ATG12: variants seen among roughly 807,000 people sequenced by gnomAD.
ATG12 encodes autophagy related 12, also known as ubiquitin-like protein ATG12.
ATG12 carries 19 observed loss-of-function variants against 17.6 expected under a neutral mutation model. The observed-to-expected ratio is 1.08, with a 90% CI of 0.75 to 1.58. The LOEUF (loss-of-function observed/expected upper bound fraction) is 1.58, where lower values mean the gene tolerates loss of function less well. ATG12 is among the 40% of genes most tolerant of loss of function. ATG12 has a pLI of 0.00. For synonymous variants in ATG12, 75 were observed against 62.4 expected (o/e 1.20, Z -0.95); for missense variants, 214 against 162.0 (o/e 1.32, Z -1.74).
intron 2 of ATG12, chr5:115,834,402 C>T (rs1407778172): frequency 6.6e-6 from 1 of 152,126 alleles, no homozygotes; most frequent in African/African-American, 2.4e-5. Flanking sequence ...CGCTAAGTGG[C>T]GTATAATTTG....
chr5:115,831,808 C>A lies in ATG12; in HGVS notation c.419G>T (p.Gly140Val), dbSNP rs921608688. The A allele has an allele frequency of 6.2e-7, 1 of 1,612,148 alleles. No homozygotes were observed. The highest frequency in any genetic ancestry group is 2.2e-5 in the East Asian group (1 of 44,836). Reference sequence around the variant, plus strand: ...CAAGTTGATTTTCTTTGTGGTTCATCCCCACGCCTGAGACTTGCAGTAATG... The same window carrying A: ...CAAGTTGATTTTCTTTGTGGTTCATACCCACGCCTGAGACTTGCAGTAATG... ...VLHYCKSQAWG is the reference protein window; with the variant it reads ...VLHYCKSQAWV The change falls in exon 4 of 4, where the codon GGA (glycine) becomes GTA (valine). Residue 140 changes from glycine to valine, a missense_variant. Physicochemically the swap from Gly to Val is moderately radical, Grantham distance 109. Coordinates refer to ENST00000509910, the MANE Select transcript of ATG12 (RefSeq NM_004707.4).
rs570583803 is a variant in ATG12 at position 115,841,479 on chromosome 5, A to C, written c.74T>G (p.Val25Gly). The change falls in exon 1 of 4, where the codon GTC (valine) becomes GGC (glycine). Residue 25 changes from valine to glycine, a missense_variant. Coordinates refer to ENST00000509910, the MANE Select transcript of ATG12 (RefSeq NM_004707.4). ...IAAGGEGLTDVSPETTTPEPP... is the reference protein window; with the variant it reads ...IAAGGEGLTDGSPETTTPEPP... ...CTCCGGGGTGGTTGTTTCTGGGGAGACATCCGTAAGTCCTTCCCCTCCAGC... is the reference window on the plus strand; with the variant it reads ...CTCCGGGGTGGTTGTTTCTGGGGAGCCATCCGTAAGTCCTTCCCCTCCAGC... 2.4e-5 allele frequency: 38 copies of C among 1,611,182 alleles called. No homozygotes were observed. In the African/African-American group the frequency reaches 4.7e-4, roughly 20 times the overall value.
intron 1 of ATG12, 64 bp from the exon 2 acceptor site, chr5:115,837,828 A>G: frequency 7.5e-7 from 1 of 1,328,486 alleles, no homozygotes; most frequent in South Asian, 1.6e-5. Flanking sequence ...ATGGAATATA[A>G]AAGACTTAGA....
intron 3 of ATG12, 96 bp downstream of exon 3, chr5:115,832,506 C>T: frequency 7.8e-7 from 1 of 1,283,674 alleles, no homozygotes; most frequent in Non-Finnish European, 1.0e-6. Context: ...ATTAACAATA[C>T]TACACAATAT....
intron 2 of ATG12, 48 bp downstream of exon 2, chr5:115,837,580 G>A (rs755184286): frequency 5.6e-6 from 9 of 1,600,068 alleles, no homozygotes; most frequent in African/African-American, 1.3e-5. Flanking sequence ...CTGTTGCCTA[G>A]GAACTACTGC....
intron 2 of ATG12, chr5:115,834,266 G>A (rs888572049): frequency 2.0e-5 from 3 of 152,262 alleles, no homozygotes; most frequent in Admixed American, 6.5e-5. Context: ...TTTTGTAACA[G>A]GTGTTAACTG....
intron 1 of ATG12, among the ~76,000 whole-genome samples, chr5:115,840,345 T>C (rs1418811046): frequency 6.6e-6 from 1 of 151,518 alleles, no homozygotes; most frequent in African/African-American, 2.4e-5. Flanking sequence ...TTGTCCAGGC[T>C]GGAGTGCAAT....
In ATG12 at chr5:115,841,516, T is replaced by C. The variant is rs749099835; in HGVS notation, c.37A>G (p.Thr13Ala). 4.3e-6 allele frequency: 7 copies of C among 1,612,690 alleles called. No homozygotes were observed. Among genetic ancestry groups the C allele is most frequent in the Admixed American group, 1.7e-5 (1 of 59,564 alleles). Residue 13 changes from threonine to alanine, a missense_variant, in exon 1 of 4, where the codon ACT (threonine) becomes GCT (alanine). By Grantham distance (58) the Thr-to-Ala change is moderately conservative (BLOSUM62 0). Transcript: ENST00000509910. The part of the protein sequence containing the change: ...EEPQSVLQLP[T>A]SIAAGGEGLT... ...CCTTCCCCTCCAGCAGCAATTGAAGTAGGAAGCTGCAACACAGACTGCGGC... is the reference window on the plus strand; with the variant it reads ...CCTTCCCCTCCAGCAGCAATTGAAGCAGGAAGCTGCAACACAGACTGCGGC...
At chr5:115,837,557 AAC>A (rs1204437070) in intron 2 of ATG12, 69 bp downstream of exon 2, 7 of 1,510,864 alleles carry the variant, frequency 4.6e-6, no homozygotes, top group African/African-American at 1.4e-5. Context: ...TTCTATAAAC[AAC>A]AGTTAATTCA....
At position 115,832,606 on chromosome 5, in the gene ATG12, T is replaced by G. The variant is rs370194003; in HGVS notation, c.359A>C (p.Tyr120Ser). ...TTTTTTTTTTTTTTTTTTTACCTCA[T>G]AGAGAGTTCCAACTTCTTGGTCTGG... ...PSPDQEVGTL[Y>S]ECFGSDGKLV... The change falls in exon 3 of 4, where the codon TAT (tyrosine) becomes TCT (serine). Residue 120 changes from tyrosine to serine, a missense_variant. Physicochemically the swap from Tyr to Ser is moderately radical, Grantham distance 144. Transcript: ENST00000509910. 2.6e-5 allele frequency: 24 copies of G among 931,128 alleles called. No homozygotes were observed. The highest frequency in any genetic ancestry group is 4.1e-5 in the African/African-American group (2 of 48,670). 57.7% of individuals were successfully genotyped at this position (931,128 alleles called of 1,614,324 possible). A position where few individuals can be genotyped will look rare whatever the true frequency, so the allele number is the denominator to read the frequency against.
At position 115,841,515 on chromosome 5, in the gene ATG12, G is replaced by A; in HGVS notation, c.38C>T (p.Thr13Ile). 6.2e-7 allele frequency: 1 copy of A among 1,612,816 alleles called. No individual in the cohort carries two copies. Among genetic ancestry groups the A allele is most frequent in the Non-Finnish European group, 8.5e-7 (1 of 1,179,552 alleles). The change falls in exon 1 of 4, where the codon ACT becomes ATT. Residue 13 changes from threonine to isoleucine, a missense_variant. By Grantham distance (89) the Thr-to-Ile change is moderately conservative. Transcript: ENST00000509910. Reference sequence around the variant, plus strand: ...TCCTTCCCCTCCAGCAGCAATTGAAGTAGGAAGCTGCAACACAGACTGCGG... The same window carrying A: ...TCCTTCCCCTCCAGCAGCAATTGAAATAGGAAGCTGCAACACAGACTGCGG... Reference protein sequence around the residue: ...EEPQSVLQLPTSIAAGGEGLT... With the variant: ...EEPQSVLQLPISIAAGGEGLT...
chr5:115,840,921 G>A (rs576509054), intron 1 of ATG12: 1 of 1,284,048 alleles, frequency 7.8e-7, no homozygotes, highest in African/African-American at 1.5e-5. Context: ...TTTAAGGAGT[G>A]AATTCACAAC....
At chr5:115,831,896 A>G (rs1344620107) in intron 3 of ATG12, 33 bp from the exon 4 acceptor site, 1 of 1,530,846 alleles carries the variant, frequency 6.5e-7, no homozygotes, top group Non-Finnish European at 8.7e-7. Context: ...ATCAAACTCA[A>G]TCTTTTATTA....
intron 1 of ATG12, 149 bp downstream of exon 1, chr5:115,841,240 CA>C: frequency 9.2e-7 from 1 of 1,090,490 alleles, no homozygotes; most frequent in Non-Finnish European, 1.3e-6. Flanking sequence ...CCTTAAAAAT[CA>C]AAAAGTACAC....
chr5:115,840,881 C>A, intron 1 of ATG12: 2 of 1,287,702 alleles, frequency 1.6e-6, no homozygotes, highest in Non-Finnish European at 1.0e-6. Context: ...CCTTAGCAGT[C>A]TTCATTCTGC....
intron 1 of ATG12, chr5:115,840,705 C>T: frequency 8.3e-7 from 1 of 1,198,350 alleles, no homozygotes; most frequent in Non-Finnish European, 1.1e-6. Context: ...GCAACTCTAA[C>T]TCTAAACAGA....
intron 2 of ATG12, chr5:115,832,974 C>T (rs944577023): frequency 2.9e-5 from 6 of 208,490 alleles, no homozygotes; most frequent in South Asian, 1.7e-4. Context: ...ATTACATTAT[C>T]GTAAAAATGT....
chr5:115,840,568 G>C (rs921170936), intron 1 of ATG12: 2 of 1,269,924 alleles, frequency 1.6e-6, no homozygotes, highest in African/African-American at 1.5e-5. Context: ...AAAGTGCTGG[G>C]ATTACAGGAG....
intron 1 of ATG12, 27 bp downstream of exon 1, chr5:115,841,363 T>C: frequency 6.2e-7 from 1 of 1,609,418 alleles, no homozygotes; most frequent in South Asian, 1.1e-5. Flanking sequence ...ACCTCCCGCC[T>C]CTCTGCCCGG....
Sources: gnomAD v4.1 joint callset for allele counts (sites outside exome capture counted in the v4.1 genomes callset) on GRCh38, gnomAD v4.1.1 for gene constraint, MANE v1.5 for transcripts, NCBI Gene and HGNC (gene_info 2026-07-23, HGNC 2026-07-21) for gene names.